IL31RA: variants seen among roughly 807,000 people sequenced by gnomAD.
IL31RA encodes the protein interleukin 31 receptor A.
IL31RA carries 66 observed loss-of-function variants against 83.7 expected under a neutral mutation model. That is an observed-to-expected ratio of 0.79 (90% CI 0.65 to 0.97). The LOEUF is 0.97. Among genes scored for constraint, IL31RA ranks in the 50% least tolerant of loss-of-function variants. The pLI, the probability that IL31RA is intolerant of heterozygous loss-of-function variation, is 0.00. For synonymous variants in IL31RA, 325 were observed against 329.0 expected, an observed-to-expected ratio of 0.99 and a Z score of 0.13; for missense variants, 798 against 919.4, an observed-to-expected ratio of 0.87 and a Z score of 1.71.
intron 6 of IL31RA, among the ~76,000 whole-genome samples, chr5:55,893,793 G>C (rs1183752168): frequency 6.6e-6 from 1 of 150,700 alleles, no homozygotes; most frequent in South Asian, 2.1e-4. Context: ...AAAACAAAAT[G>C]GCTGCCTATG....
rs1745076384 is a variant in IL31RA at position 55,851,613 on chromosome 5, T to C, written c.43T>C (p.Cys15Arg). 1 of 1,613,856 alleles carries C rather than the reference T, an allele frequency of 6.2e-7. No homozygotes were observed. Among genetic ancestry groups the C allele is most frequent in the African/African-American group, 1.3e-5 (1 of 74,918 alleles). Residue 15 changes from cysteine to arginine, a missense_variant, in exon 1 of 15, where the codon TGT becomes CGT. Coordinates refer to ENST00000652347, the MANE Select transcript of IL31RA (RefSeq NM_139017.7). ...CAAGTTTTTCACCACGGCATGTGTC[T>C]GTGAATGTCCGCAAAACATTGTGAG... is the stretch of plus-strand genomic sequence containing the variant. Reference protein sequence around the residue: ...QLKFFTTACVCECPQNILSPQ... With the variant: ...QLKFFTTACVRECPQNILSPQ...
At chr5:55,852,781 A>G in intron 1 of IL31RA, among the ~76,000 whole-genome samples, 1 of 152,218 alleles carries the variant, frequency 6.6e-6, no homozygotes, top group Non-Finnish European at 1.5e-5. Flanking sequence ...GGAAACTGAG[A>G]GTCAGGCTGC....
At chr5:55,908,699 C>T in intron 11 of IL31RA, 2 of 1,463,656 alleles carry the variant, frequency 1.4e-6, no homozygotes, top group Non-Finnish European at 1.8e-6. Context: ...CCCGGGAGCT[C>T]CCCGACCATC....
chr5:55,898,599 G>T (rs1748586958), intron 7 of IL31RA, among the ~76,000 whole-genome samples: 1 of 146,432 alleles, frequency 6.8e-6, no homozygotes, highest in African/African-American at 2.5e-5. Context: ...ATATTAATAT[G>T]TTATTTTAAA....
intron 4 of IL31RA, among the ~76,000 whole-genome samples, chr5:55,877,099 G>T (rs982083207): frequency 3.3e-5 from 5 of 151,520 alleles, no homozygotes; most frequent in African/African-American, 1.2e-4. Flanking sequence ...TTGTGGTGAC[G>T]TGTTTTGATT....
chr5:55,869,063 C>T (rs1248372741), intron 3 of IL31RA, among the ~76,000 whole-genome samples, 155 bp downstream of exon 3: 3 of 152,174 alleles, frequency 2.0e-5, no homozygotes, highest in Non-Finnish European at 4.4e-5. Flanking sequence ...TGGACGGGAT[C>T]TGGAGCTGCA....
At chr5:55,883,336 A>C in intron 5 of IL31RA, 141 bp downstream of exon 5, 1 of 842,132 alleles carries the variant, frequency 1.2e-6, no homozygotes. Context: ...TTCTCCTTCC[A>C]GTTTTCCATT....
intron 5 of IL31RA, among the ~76,000 whole-genome samples, chr5:55,884,308 AC>A (rs1445095350): frequency 6.6e-6 from 1 of 152,132 alleles, no homozygotes; most frequent in Non-Finnish European, 1.5e-5. Flanking sequence ...ATCAGTCTTT[AC>A]CTTTATGCTT....
At chr5:55,894,220 G>C (rs1382481038) in intron 6 of IL31RA, among the ~76,000 whole-genome samples, 3 of 151,836 alleles carry the variant, frequency 2.0e-5, no homozygotes, top group African/African-American at 7.3e-5. Flanking sequence ...ATGGAGTAAA[G>C]GTCCCTCTAA....
rs190372318 is a variant in IL31RA, at chr5:55,863,676, C to T, written c.154+4077C>T. On this transcript the variant is annotated intron_variant, in intron 2 of 14. Coordinates refer to ENST00000652347, the MANE Select transcript of IL31RA (RefSeq NM_139017.7). ...AGAGCCTTTGTAAGACTATTGTTCTCTCTTACCATGTGCCAACCAGTAAGG... is the reference window on the plus strand; with the variant it reads ...AGAGCCTTTGTAAGACTATTGTTCTTTCTTACCATGTGCCAACCAGTAAGG... Among the ~76,000 whole-genome samples the T allele has an allele frequency of 2.2e-4, 34 of 152,334 alleles. No individual in the cohort carries two copies. The East Asian group carries it at 6.2e-3, about 28-fold the overall frequency.
rs1231221614 is a variant in IL31RA, at chr5:55,921,746, T to C, written c.*4626T>C. Among the ~76,000 whole-genome samples the C allele has an allele frequency of 6.6e-6, 1 of 152,220 alleles. No homozygotes were observed. The highest frequency in any genetic ancestry group is 1.5e-5 in the Non-Finnish European group (1 of 68,030). The stretch of plus-strand genomic sequence containing the variant: ...TTTAATCCTTGTGAAGCCAAACTTT[T>C]CTTTTTTTATTGTTGCCATGTCCCT... On this transcript the variant is annotated 3_prime_UTR_variant, in exon 15 of 15. Coordinates refer to ENST00000652347, the MANE Select transcript of IL31RA (RefSeq NM_139017.7).
chr5:55,904,070 TCCATGC>T (rs1430910628), intron 8 of IL31RA, among the ~76,000 whole-genome samples: 1 of 152,228 alleles, frequency 6.6e-6, no homozygotes, highest in Non-Finnish European at 1.5e-5. Flanking sequence ...TGTCTCTGTT[TCCATGC>T]CCAGATTCCT....
chr5:55,891,442 G>C (rs1357799055), intron 6 of IL31RA, among the ~76,000 whole-genome samples: 1 of 152,220 alleles, frequency 6.6e-6, no homozygotes, highest in African/African-American at 2.4e-5. Flanking sequence ...GATGTCAGCA[G>C]GGCCATTTCC....
rs1580654465 is a variant in IL31RA, at chr5:55,861,121, G to A, written c.154+1522G>A. 2.6e-5 allele frequency among the ~76,000 whole-genome samples: 4 copies of A among 152,292 alleles called. No homozygotes were observed. The South Asian group carries it at 8.3e-4, about 32-fold the overall frequency. On this transcript the variant is annotated intron_variant, in intron 2 of 14. Transcript: ENST00000652347. ...GTACTGGGGGTTAGGACTTCATTAT[G>A]TGAATTTTGGAGAGACATAATTTAG...
At position 55,914,838 on chromosome 5, in the gene IL31RA, T is replaced by C. The variant is rs376640920; in HGVS notation, c.1737-9T>C. On this transcript the variant is annotated splice_polypyrimidine_tract_variant and intron_variant, in intron 13 of 14. Transcript: ENST00000652347. The stretch of plus-strand genomic sequence containing the variant: ...TCAATTCCCATCTTAAAATCTTCTC[T>C]CTCATTAGCAAATTGACTCATCTGT... 7 of 1,602,042 alleles carry C rather than the reference T, an allele frequency of 4.4e-6. No homozygotes were observed. The highest frequency in any genetic ancestry group is 6.0e-6 in the Non-Finnish European group (7 of 1,169,012).
intron 8 of IL31RA, among the ~76,000 whole-genome samples, chr5:55,905,706 G>A (rs1349240285): frequency 6.6e-6 from 1 of 152,184 alleles, no homozygotes; most frequent in Non-Finnish European, 1.5e-5. Context: ...ATGATTTTAA[G>A]GTCACCATCT....
At chr5:55,909,234 G>A (rs934593634) in intron 11 of IL31RA, 2 of 152,442 alleles carry the variant, frequency 1.3e-5, no homozygotes, top group Admixed American at 6.5e-5. Flanking sequence ...CATTTTTATG[G>A]CTGAATAATA....
At chr5:55,853,486 G>C (rs1313579544) in intron 1 of IL31RA, 1 of 1,550,272 alleles carries the variant, frequency 6.5e-7, no homozygotes, top group African/African-American at 1.4e-5. Context: ...GTCCTGACTT[G>C]TGCTGTGGGA....
chr5:55,872,795 C>A (rs895866318), intron 4 of IL31RA, among the ~76,000 whole-genome samples: 1 of 149,386 alleles, frequency 6.7e-6, no homozygotes, highest in East Asian at 2.0e-4. Context: ...TGCTCATAAA[C>A]GAAAAGAGCA....
Sources: allele counts gnomAD v4.1 joint callset (sites outside exome capture counted in the v4.1 genomes callset), GRCh38; gene constraint gnomAD v4.1.1; transcripts MANE v1.5; gene names NCBI Gene and HGNC (gene_info 2026-07-23, HGNC 2026-07-21).